SLC38A10: variants seen among roughly 807,000 people sequenced by gnomAD.
SLC38A10 encodes Sodium-coupled neutral amino acid transporter 10.
SLC38A10 carries 53 observed loss-of-function variants against 81.0 expected under a neutral mutation model. That is an observed-to-expected ratio of 0.65 (90% confidence interval 0.53 to 0.82). SLC38A10 has a LOEUF of 0.82. Ranked by LOEUF, SLC38A10 falls within the 40% of genes least tolerant of loss-of-function variation. The pLI, the probability that SLC38A10 is intolerant of heterozygous loss-of-function variation, is 0.00. For missense variants in SLC38A10, 1,471 were observed against 1,545.0 expected, an observed-to-expected ratio of 0.95 and a Z score of 0.80; for synonymous variants, 665 against 655.3, an observed-to-expected ratio of 1.01 and a Z score of -0.23.
chr17:81,247,980 G>A (rs1231207188), intron 14 of SLC38A10, among the ~76,000 whole-genome samples: 1 of 113,222 alleles, frequency 8.8e-6, no homozygotes, highest in Admixed American at 1.2e-4. Flanking sequence ...TTTTTGAGAC[G>A]GGAGTCTCAC....
rs1427087231 is a variant in SLC38A10, at chr17:81,253,106, G to A, written c.1423C>T (p.Pro475Ser). The change falls in exon 12 of 16, where the codon CCG (proline) becomes TCG (serine). Residue 475 changes from proline to serine, a missense_variant. By Grantham distance (74) the Pro-to-Ser change is moderately conservative. Transcript: ENST00000374759. This position sits in a 1 kb window ranked among gnomAD's most constrained non-coding sequence, Gnocchi z 4.1. ...GGGCGATCGAGCTGTGCCTCCTCCGGTGCCTCCTTGCCATCTTCCCGTCCA... is the reference window on the plus strand; with the variant it reads ...GGGCGATCGAGCTGTGCCTCCTCCGATGCCTCCTTGCCATCTTCCCGTCCA... ...VPGREDGKEA[P>S]EEAQLDRPGQ... 5 of 1,613,746 alleles carry A rather than the reference G, an allele frequency of 3.1e-6. No individual in the cohort carries two copies. The African/African-American group carries it at 6.7e-5, about 22-fold the overall frequency.
intron 11 of SLC38A10, among the ~76,000 whole-genome samples, chr17:81,256,051 T>C: frequency 6.6e-6 from 1 of 152,180 alleles, no homozygotes; most frequent in East Asian, 1.9e-4. Context: ...GTGCCAGGAA[T>C]GCTGTGTTTA....
At chr17:81,251,399 C>A (rs772642000) in intron 14 of SLC38A10, 94 bp downstream of exon 14, 7 of 1,611,688 alleles carry the variant, frequency 4.3e-6, no homozygotes, top group Admixed American at 1.7e-5. Context: ...CCTGGCAGGG[C>A]TCCCGAGGAT....
At chr17:81,284,024 T>A (rs2063240854) in intron 3 of SLC38A10, among the ~76,000 whole-genome samples, 1 of 152,060 alleles carries the variant, frequency 6.6e-6, no homozygotes, top group African/African-American at 2.4e-5. Context: ...CAGCCTGGTA[T>A]TATACTCGCC....
At chr17:81,273,341 C>T (rs1270920084) in intron 8 of SLC38A10, among the ~76,000 whole-genome samples, 2 of 152,110 alleles carry the variant, frequency 1.3e-5, no homozygotes, top group Non-Finnish European at 2.9e-5. Flanking sequence ...GGAGCCAGAC[C>T]ACCTGGCTCA....
chr17:81,282,421 A>G (rs2063222509), intron 4 of SLC38A10, 89 bp from the exon 5 acceptor site: 1 of 1,502,478 alleles, frequency 6.7e-7, no homozygotes, highest in South Asian at 1.2e-5. Flanking sequence ...GAGCGCCCCG[A>G]GCCCGAAAGC....
chr17:81,280,398 C>T (rs1239710795), intron 6 of SLC38A10, among the ~76,000 whole-genome samples: 1 of 152,226 alleles, frequency 6.6e-6, no homozygotes, highest in Non-Finnish European at 1.5e-5. Context: ...TAGTCCCAAA[C>T]ATGTCCCAGG....
rs200510990 is a variant in SLC38A10 at position 81,281,069 on chromosome 17, C to T, written c.502-336G>A. On this transcript the variant is annotated intron_variant, in intron 5 of 15. Transcript: ENST00000374759. This position sits in a 1 kb window ranked among gnomAD's most constrained non-coding sequence, Gnocchi z 5.3. ...CCCCAGTTTCCGTCGGTTACAGAGG[C>T]TGGTTTCCCACGTGGGCAGGTCCCT... 8.5e-5 allele frequency among the ~76,000 whole-genome samples: 13 copies of T among 152,364 alleles called. No homozygotes were observed. The East Asian group carries it at 1.5e-3, about 18-fold the overall frequency.
chr17:81,275,919 C>T (rs909330076), intron 8 of SLC38A10, 50 bp downstream of exon 8: 24 of 1,531,766 alleles, frequency 1.6e-5, no homozygotes, highest in African/African-American at 4.1e-5. Flanking sequence ...TTATGGGAAG[C>T]GAGCCTGACC....
At chr17:81,258,315 C>CG (rs1332914715) in intron 11 of SLC38A10, among the ~76,000 whole-genome samples, 1 of 152,166 alleles carries the variant, frequency 6.6e-6, no homozygotes, top group Non-Finnish European at 1.5e-5. Context: ...ACGGGGGAGC[C>CG]GGGGGCTGGA....
intron 11 of SLC38A10, among the ~76,000 whole-genome samples, chr17:81,256,614 A>C (rs1382920858): frequency 6.6e-6 from 1 of 152,198 alleles, no homozygotes; most frequent in African/African-American, 2.4e-5. Context: ...GTTCAGGAGG[A>C]GGCTCGGGAT....
rs570851201 is a variant in SLC38A10, at chr17:81,293,816, T to C, written c.99+1007A>G. ...AATATACATGTTGTTTTCATTTTTCTACCTACTTGGTAACGTTTCAGTCAG... is the reference window on the plus strand; with the variant it reads ...AATATACATGTTGTTTTCATTTTTCCACCTACTTGGTAACGTTTCAGTCAG... On this transcript the variant is annotated intron_variant, in intron 1 of 15. Transcript: ENST00000374759. Among the ~76,000 whole-genome samples the C allele has an allele frequency of 5.9e-5, 9 of 152,380 alleles. No homozygotes were observed. In the South Asian group the frequency reaches 1.7e-3, roughly 28 times the overall value.
chr17:81,295,024 C>T lies in SLC38A10; in HGVS notation c.-103G>A, dbSNP rs890523086. 1.4e-6 allele frequency: 2 copies of T among 1,382,172 alleles called. No homozygotes were observed. The highest frequency in any genetic ancestry group is 1.6e-5 in the South Asian group (1 of 62,522). The allele number at this position is 1,382,172 out of a possible 1,614,324, so 85.6% of individuals were successfully genotyped here. A position where few individuals can be genotyped will look rare whatever the true frequency, so the allele number is the denominator to read the frequency against. On this transcript the variant is annotated 5_prime_UTR_variant, in exon 1 of 16. Coordinates refer to ENST00000374759, the MANE Select transcript of SLC38A10 (RefSeq NM_001037984.3). ...GGCCACGGTCACAGGTCCCAACGTC[C>T]GGGACGCCGGTGGGGAGGGGATGGG... is the stretch of plus-strand genomic sequence containing the variant.
At position 81,265,970 on chromosome 17, in the gene SLC38A10, G is replaced by C. The variant is rs1233155039; in HGVS notation, c.1131+4948C>G. Among the ~76,000 whole-genome samples, 1 of 152,246 alleles carries C rather than the reference G, an allele frequency of 6.6e-6. No individual in the cohort carries two copies. Among genetic ancestry groups the C allele is most frequent in the East Asian group, 1.9e-4 (1 of 5,196 alleles). The stretch of plus-strand genomic sequence containing the variant: ...TCAGTGCGCTTTCTAGCTTCCAAAA[G>C]ACATGGCAAAGCAGGCACAGAGAGA... On this transcript the variant is annotated intron_variant, in intron 10 of 15. Coordinates refer to ENST00000374759, the MANE Select transcript of SLC38A10 (RefSeq NM_001037984.3). This position sits in a 1 kb window ranked among gnomAD's most constrained non-coding sequence, Gnocchi z 4.2.
At chr17:81,266,765 C>CT (rs1458717894) in intron 10 of SLC38A10, among the ~76,000 whole-genome samples, 1 of 152,234 alleles carries the variant, frequency 6.6e-6, no homozygotes. Flanking sequence ...AATGCAGTGC[C>CT]TTCCTGCTGA....
At chr17:81,272,190 G>A (rs549646343) in intron 9 of SLC38A10, among the ~76,000 whole-genome samples, 175 of 151,914 alleles carry the variant, frequency 1.2e-3, no homozygotes, top group African/African-American at 4.2e-3. Flanking sequence ...GCACCATGAC[G>A]CCCTGCTAAT....
In SLC38A10 at chr17:81,275,969, C is replaced by T. The variant is rs1555629759; in HGVS notation, c.912G>A (p.Gln304=). Residue 304 remains glutamine, a splice_region_variant and synonymous_variant, in exon 8 of 16, where the codon CAG becomes CAA. Coordinates refer to ENST00000374759, the MANE Select transcript of SLC38A10 (RefSeq NM_001037984.3). The part of the protein sequence containing the change: ...QALSTLLCEQ[Q]QKDGTFAAGG... Reference sequence around the variant, plus strand: ...CCGGAGAGTGCCCCGAGGGTCTTACCTGCTGCTCACACAGCAGCGTGCTCA... The same window carrying T: ...CCGGAGAGTGCCCCGAGGGTCTTACTTGCTGCTCACACAGCAGCGTGCTCA... 6.2e-7 allele frequency: 1 copy of T among 1,613,162 alleles called. No homozygotes were observed. The highest frequency in any genetic ancestry group is 8.5e-7 in the Non-Finnish European group (1 of 1,179,704).
intron 4 of SLC38A10, 27 bp from the exon 5 acceptor site, chr17:81,282,359 G>A (rs773417474): frequency 1.4e-5 from 23 of 1,586,958 alleles, no homozygotes; most frequent in Middle Eastern, 3.3e-4. Flanking sequence ...GGGGGTCTTG[G>A]CCACAGCCCG....
At position 81,270,760 on chromosome 17, in the gene SLC38A10, G is replaced by C. The variant is rs1263561692; in HGVS notation, c.1131+158C>G. On this transcript the variant is annotated intron_variant, in intron 10 of 15. Coordinates refer to ENST00000374759, the MANE Select transcript of SLC38A10 (RefSeq NM_001037984.3). This position sits in a 1 kb window ranked among gnomAD's most constrained non-coding sequence, Gnocchi z 4.0. ...GACCGTGCGTCCTGGTGAACCCAGG[G>C]TTCCCCAGGCTGACTGGACCAAGTC... Among the ~76,000 whole-genome samples the C allele has an allele frequency of 6.6e-6, 1 of 152,214 alleles. No individual in the cohort carries two copies. The highest frequency in any genetic ancestry group is 1.9e-4 in the East Asian group (1 of 5,194).
Sources: allele counts gnomAD v4.1 joint callset (sites outside exome capture counted in the v4.1 genomes callset), GRCh38; gene constraint gnomAD v4.1.1; non-coding constraint Gnocchi (gnomAD v3.1); transcripts MANE v1.5; gene names NCBI Gene and HGNC (gene_info 2026-07-23, HGNC 2026-07-21).